Variants in VMP1 observed in about 807,000 individuals in gnomAD.
VMP1 encodes ectopic P-granules autophagy protein 3 homolog.
Under a neutral mutation model 56.0 loss-of-function variants are expected in VMP1, and 11 were observed. The ratio of observed to expected loss-of-function variants is 0.20; its 90% CI spans 0.12 to 0.32. VMP1 has a LOEUF of 0.32. VMP1 is among the 10% of genes least tolerant of loss of function. The pLI is 1.00. For missense variants in VMP1, 296 were observed against 490.3 expected, an observed-to-expected ratio of 0.60 and a Z score of 3.74; for synonymous variants, 149 against 165.0, an observed-to-expected ratio of 0.90 and a Z score of 0.74.
At chr17:59,732,295 G>C (rs551531421) in intron 2 of VMP1, among the ~76,000 whole-genome samples, 13 of 152,150 alleles carry the variant, frequency 8.5e-5, no homozygotes, top group Admixed American at 2.6e-4. Context: ...CACCAGGCTG[G>C]AGTGCAATGG....
At position 59,840,007 on chromosome 17, in the gene VMP1, C is replaced by G. The variant is rs889238273; in HGVS notation, c.*96C>G. On this transcript the variant is annotated 3_prime_UTR_variant, in exon 12 of 12. Transcript: ENST00000262291. ...GGGAAGGAAAATTCCCTTTTCCAAC[C>G]TGTATCAATTTTTACAACTTTTTTC... is the stretch of plus-strand genomic sequence containing the variant. 2.3e-4 allele frequency: 351 copies of G among 1,509,066 alleles called. 4 individuals are homozygous for G. The highest frequency in any genetic ancestry group is 2.1e-4 in the Admixed American group (9 of 42,386). The allele number at this position is 1,509,066 out of a possible 1,614,324, so 93.5% of individuals were successfully genotyped here.
In VMP1 at chr17:59,814,126, G is replaced by A. The variant is rs558701403; in HGVS notation, c.912+2340G>A. Among the ~76,000 whole-genome samples, 18 of 152,154 alleles carry A rather than the reference G, an allele frequency of 1.2e-4. 1 individual carries two copies. The highest frequency in any genetic ancestry group is 8.8e-5 in the Non-Finnish European group (6 of 68,004). The stretch of plus-strand genomic sequence containing the variant: ...CTCCAGAGTAAGTGGGACTACAGGC[G>A]CATGCCACCACACCCAGCTAATTCT... On this transcript the variant is annotated intron_variant, in intron 9 of 11. Coordinates refer to ENST00000262291, the MANE Select transcript of VMP1 (RefSeq NM_030938.5).
At chr17:59,756,587 T>C (rs943076208) in intron 5 of VMP1, among the ~76,000 whole-genome samples, 13 of 152,190 alleles carry the variant, frequency 8.5e-5, no homozygotes, top group African/African-American at 3.1e-4. Flanking sequence ...ACAACTCCAG[T>C]CTTTAGGAAT....
At chr17:59,793,134 T>C (rs2037301400) in intron 7 of VMP1, among the ~76,000 whole-genome samples, 1 of 111,866 alleles carries the variant, frequency 8.9e-6, no homozygotes, top group South Asian at 3.2e-4. Flanking sequence ...TGCCTCGGCC[T>C]TCCAACGTGC....
intron 7 of VMP1, among the ~76,000 whole-genome samples, chr17:59,801,884 AAAAACAAAAC>A (rs906342032): frequency 6.6e-6 from 1 of 151,950 alleles, no homozygotes; most frequent in African/African-American, 2.4e-5. Context: ...ACTCCATCTC[AAAAACAAAAC>A]AAAACAAAAC....
intron 7 of VMP1, among the ~76,000 whole-genome samples, chr17:59,780,928 C>T (rs2036801261): frequency 6.6e-6 from 1 of 152,064 alleles, no homozygotes; most frequent in Admixed American, 6.6e-5. Flanking sequence ...ATTTTTTCAC[C>T]AGTTTCCATC....
chr17:59,757,595 C>G (rs2035890604), intron 5 of VMP1, among the ~76,000 whole-genome samples: 1 of 152,090 alleles, frequency 6.6e-6, no homozygotes, highest in Non-Finnish European at 1.5e-5. Flanking sequence ...ACCCTTTCAT[C>G]TAAGTATAGT....
At chr17:59,748,161 A>C (rs1208719657) in intron 5 of VMP1, among the ~76,000 whole-genome samples, 1 of 142,912 alleles carries the variant, frequency 7.0e-6, no homozygotes, top group Non-Finnish European at 1.5e-5. Context: ...ATGCCGCTGC[A>C]CTCCAGCCTG....
chr17:59,768,721 G>A lies in VMP1; in HGVS notation c.582+3583G>A, dbSNP rs370091875. On this transcript the variant is annotated intron_variant, in intron 6 of 11. Coordinates refer to ENST00000262291, the MANE Select transcript of VMP1 (RefSeq NM_030938.5). ...TAATTCACCGGGCGCGGTGGCTCAC[G>A]CCTGTAATCTCAGCACTTTGGGAGG... 6.6e-5 allele frequency among the ~76,000 whole-genome samples: 10 copies of A among 151,016 alleles called. No homozygotes were observed. In the East Asian group the frequency reaches 8.0e-4, roughly 12 times the overall value.
intron 5 of VMP1, among the ~76,000 whole-genome samples, chr17:59,741,623 G>A (rs1054657825): frequency 1.3e-5 from 2 of 152,122 alleles, no homozygotes; most frequent in Admixed American, 6.6e-5. Context: ...TATTTTATGT[G>A]TATTTAAGGT....
rs1202986269 is a variant in VMP1 at position 59,809,551 on chromosome 17, G to T, written c.795+675G>T. On this transcript the variant is annotated intron_variant, in intron 8 of 11. Coordinates refer to ENST00000262291, the MANE Select transcript of VMP1 (RefSeq NM_030938.5). Reference sequence around the variant, plus strand: ...AGACGGAGTCTCGCTCTGTCGCCCAGGCGGTAGTGCAGTGGCGGGATCTCG... The same window carrying T: ...AGACGGAGTCTCGCTCTGTCGCCCATGCGGTAGTGCAGTGGCGGGATCTCG... Among the ~76,000 whole-genome samples the T allele has an allele frequency of 7.4e-5, 9 of 121,704 alleles. 2 individuals carry two copies. The highest frequency in any genetic ancestry group is 2.9e-4 in the African/African-American group (8 of 27,910). 79.8% of individuals were successfully genotyped at this position (121,704 alleles called of 152,430 possible).
At chr17:59,738,150 C>T (rs2035085562) in intron 4 of VMP1, among the ~76,000 whole-genome samples, 1 of 152,156 alleles carries the variant, frequency 6.6e-6, no homozygotes, top group Admixed American at 6.6e-5. Flanking sequence ...TTCTTATTTT[C>T]TCTAACATAC....
intron 1 of VMP1, among the ~76,000 whole-genome samples, chr17:59,725,841 G>A (rs1035229196): frequency 6.6e-6 from 1 of 152,158 alleles, no homozygotes; most frequent in African/African-American, 2.4e-5. Flanking sequence ...TTAGCACGTT[G>A]TGTAAGAGCA....
At chr17:59,818,241 C>T (rs1330359099) in intron 10 of VMP1, among the ~76,000 whole-genome samples, 1 of 151,922 alleles carries the variant, frequency 6.6e-6, no homozygotes, top group African/African-American at 2.4e-5. Context: ...GTGGCGGGCA[C>T]CTATAGTCCC....
chr17:59,731,814 T>G (rs955856421), intron 2 of VMP1, among the ~76,000 whole-genome samples: 12 of 152,332 alleles, frequency 7.9e-5, no homozygotes, highest in Non-Finnish European at 1.6e-4. Flanking sequence ...ATTGTGCTAT[T>G]TTGTAATTCT....
At chr17:59,830,112 C>A (rs1300161964) in intron 10 of VMP1, among the ~76,000 whole-genome samples, 1 of 152,182 alleles carries the variant, frequency 6.6e-6, no homozygotes, top group Non-Finnish European at 1.5e-5. Flanking sequence ...GTTGGGCTAT[C>A]CAGATTTGGT....
chr17:59,788,835 A>C (rs1405222783), intron 7 of VMP1, among the ~76,000 whole-genome samples: 1 of 151,692 alleles, frequency 6.6e-6, no homozygotes, highest in Non-Finnish European at 1.5e-5. Flanking sequence ...AAAGAAAATA[A>C]TTTTGTGTTA....
At chr17:59,777,278 C>A (rs1345242640) in intron 7 of VMP1, among the ~76,000 whole-genome samples, 1 of 152,122 alleles carries the variant, frequency 6.6e-6, no homozygotes, top group Non-Finnish European at 1.5e-5. Context: ...AAATGTGATA[C>A]CATACATTCT....
chr17:59,729,390 G>GGA (rs1197430796), intron 1 of VMP1, among the ~76,000 whole-genome samples: 4 of 151,380 alleles, frequency 2.6e-5, no homozygotes, highest in African/African-American at 9.7e-5. Flanking sequence ...GGCTGAGGCA[G>GGA]GAGAACCACT....
Sources: allele counts gnomAD v4.1 joint callset (sites outside exome capture counted in the v4.1 genomes callset), GRCh38; gene constraint gnomAD v4.1.1; transcripts MANE v1.5; gene names NCBI Gene and HGNC (gene_info 2026-07-23, HGNC 2026-07-21).